Variants in ARID1A observed in about 807,000 individuals in gnomAD.
The protein encoded by ARID1A is AT-rich interaction domain 1A, also known as AT-rich interactive domain-containing protein 1A.
In ARID1A, 20 loss-of-function variants were observed where a neutral mutation model predicts 212.6. That is an observed-to-expected ratio of 0.09 (90% CI 0.07 to 0.14). The LOEUF (loss-of-function observed/expected upper bound fraction) is 0.14, where lower values mean the gene tolerates loss of function less well. Ranked by LOEUF, ARID1A falls within the 10% of genes least tolerant of loss-of-function variation. The probability of loss-of-function intolerance (pLI) is 1.00; values close to 1 mark genes in which losing one functional copy is unlikely to be tolerated. For synonymous variants in ARID1A, 1,376 were observed against 1,222.1 expected (o/e 1.13, Z -2.63); for missense variants, 2,587 against 3,059.0 (o/e 0.85, Z 3.64).
intron 4 of ARID1A, among the ~76,000 whole-genome samples, chr1:26,734,044 A>G (rs752727302): frequency 7.2e-5 from 11 of 152,214 alleles, no homozygotes; most frequent in Non-Finnish European, 1.5e-4. Context: ...GACTTTCTCA[A>G]CTGAGGAATT....
At chr1:26,755,419 G>A (rs754942414) in intron 4 of ARID1A, among the ~76,000 whole-genome samples, 1 of 152,134 alleles carries the variant, frequency 6.6e-6, no homozygotes, top group Non-Finnish European at 1.5e-5. Flanking sequence ...CTATACCCAG[G>A]CATCCCAGCC....
At chr1:26,707,574 C>T (rs904785197) in intron 1 of ARID1A, among the ~76,000 whole-genome samples, 5 of 151,832 alleles carry the variant, frequency 3.3e-5, no homozygotes, top group Non-Finnish European at 7.4e-5. Context: ...AACTCCTGAC[C>T]TCAGGTGATC....
chr1:26,767,377 A>G (rs1308351036), intron 10 of ARID1A, among the ~76,000 whole-genome samples: 11 of 152,178 alleles, frequency 7.2e-5, no homozygotes, highest in African/African-American at 2.7e-4. Flanking sequence ...CATAGTACCT[A>G]AGTATGTTCA....
Position 26,780,669 on chromosome 1 carries a change from G to A in ARID1A, c.6771G>A (p.Arg2257=), listed in dbSNP as rs2124152788. ...NHSEFTLYES[R]LLDISVSPLM... is the part of the protein sequence containing the mutation. ...CAGAGTTTACTCTGTACGAATCACG[G>A]CTGTTGGACATCTCGGTATCACCGT... The change falls in exon 20 of 20, where the codon CGG becomes CGA. Residue 2257 remains arginine, a synonymous_variant. Transcript: ENST00000324856. The surrounding 1 kb of genome is among the most constrained non-coding windows in gnomAD (Gnocchi z 7.2). The A allele has an allele frequency of 6.2e-7, 1 of 1,607,256 alleles. No individual in the cohort carries two copies. Among genetic ancestry groups the A allele is most frequent in the Non-Finnish European group, 8.5e-7 (1 of 1,179,138 alleles).
At chr1:26,699,357 G>C (rs771502611) in intron 1 of ARID1A, among the ~76,000 whole-genome samples, 36 of 152,260 alleles carry the variant, frequency 2.4e-4, no homozygotes, top group Middle Eastern at 3.4e-3. Flanking sequence ...GTATTCTGTG[G>C]AGTCATACAT....
Position 26,774,021 on chromosome 1 carries a change from C to T in ARID1A, c.4101+123C>T. Reference sequence around the variant, plus strand: ...AGATATTTTGGCATTCTTCTCTCACCTGACTGGCCAGTCCTGCCTGAAGAG... The same window carrying T: ...AGATATTTTGGCATTCTTCTCTCACTTGACTGGCCAGTCCTGCCTGAAGAG... On this transcript the variant is annotated intron_variant, in intron 17 of 19. Coordinates refer to ENST00000324856, the MANE Select transcript of ARID1A (RefSeq NM_006015.6). This position sits in a 1 kb window ranked among gnomAD's most constrained non-coding sequence, Gnocchi z 5.6. 2 of 1,307,284 alleles carry T rather than the reference C, an allele frequency of 1.5e-6. No homozygotes were observed. Among genetic ancestry groups the T allele is most frequent in the Non-Finnish European group, 2.1e-6 (2 of 936,168 alleles). The allele number at this position is 1,307,284 out of a possible 1,614,324, so 81.0% of individuals were successfully genotyped here.
At position 26,775,108 on chromosome 1, in the gene ARID1A, T is replaced by G; in HGVS notation, c.4881T>G (p.Pro1627=). The change falls in exon 18 of 20, where the codon CCT becomes CCG. Residue 1627 remains proline, a synonymous_variant. Coordinates refer to ENST00000324856, the MANE Select transcript of ARID1A (RefSeq NM_006015.6). The part of the protein sequence containing the change: ...GPPVPASHIA[P]APVQPPMIRR... ...CAGTACCTGCCTCGCACATAGCACC[T>G]GCCCCTGTGCAGCCCCCCATGATTC... The G allele has an allele frequency of 1.9e-6, 3 of 1,614,104 alleles. No individual in the cohort carries two copies. Among genetic ancestry groups the G allele is most frequent in the Non-Finnish European group, 2.5e-6 (3 of 1,179,998 alleles).
chr1:26,763,800 G>A (rs2081014931), intron 8 of ARID1A, among the ~76,000 whole-genome samples: 1 of 151,938 alleles, frequency 6.6e-6, no homozygotes. Flanking sequence ...TTATTTTGGG[G>A]TCTTTTGAGA....
At chr1:26,728,318 A>C (rs751823004) in intron 1 of ARID1A, among the ~76,000 whole-genome samples, 1 of 152,196 alleles carries the variant, frequency 6.6e-6, no homozygotes, top group Non-Finnish European at 1.5e-5. Flanking sequence ...TTCTTTCATG[A>C]AAGCTCTACT....
In ARID1A at chr1:26,714,195, G is replaced by T. The variant is rs544226303; in HGVS notation, c.1138-15456G>T. 2.6e-5 allele frequency among the ~76,000 whole-genome samples: 4 copies of T among 152,332 alleles called. No homozygotes were observed. The East Asian group carries it at 5.8e-4, about 22-fold the overall frequency. ...GACAGCTGGTGACTGGTATGGCCCT[G>T]TATACTCCTGGGATAAATCATGAAG... On this transcript the variant is annotated intron_variant, in intron 1 of 19. Coordinates refer to ENST00000324856, the MANE Select transcript of ARID1A (RefSeq NM_006015.6).
At chr1:26,755,073 C>T (rs1301059598) in intron 4 of ARID1A, among the ~76,000 whole-genome samples, 1 of 152,170 alleles carries the variant, frequency 6.6e-6, no homozygotes, top group East Asian at 1.9e-4. Context: ...TGTGCCACTG[C>T]ACTCCAGCCT....
rs566890204 is a variant in ARID1A at position 26,754,339 on chromosome 1, C to T, written c.1921-6517C>T. Among the ~76,000 whole-genome samples the T allele has an allele frequency of 2.0e-5, 3 of 152,276 alleles. No individual in the cohort carries two copies. In the South Asian group the frequency reaches 6.2e-4, roughly 32 times the overall value. ...GCAGGACATCTTTTGGAGACTTCTG[C>T]CCTTACCACTCCCTCCCATTTCCCA... On this transcript the variant is annotated intron_variant, in intron 4 of 19. Coordinates refer to ENST00000324856, the MANE Select transcript of ARID1A (RefSeq NM_006015.6).
intron 4 of ARID1A, among the ~76,000 whole-genome samples, chr1:26,745,479 T>C (rs984891012): frequency 6.6e-6 from 1 of 152,206 alleles, no homozygotes; most frequent in East Asian, 1.9e-4. Context: ...CTTGGAAATT[T>C]CGTTTTTAAG....
intron 3 of ARID1A, among the ~76,000 whole-genome samples, chr1:26,731,997 C>A (rs988944415): frequency 1.3e-5 from 2 of 152,160 alleles, no homozygotes; most frequent in Non-Finnish European, 2.9e-5. Context: ...TTCACTCCAA[C>A]TGCCATTCCA....
At chr1:26,707,491 G>A (rs938434191) in intron 1 of ARID1A, among the ~76,000 whole-genome samples, 8 of 151,902 alleles carry the variant, frequency 5.3e-5, no homozygotes, top group African/African-American at 1.7e-4. Flanking sequence ...ACAGGCATAA[G>A]CCACCACGCC....
At chr1:26,749,400 CAG>C (rs983080525) in intron 4 of ARID1A, among the ~76,000 whole-genome samples, 11 of 152,034 alleles carry the variant, frequency 7.2e-5, no homozygotes, top group African/African-American at 2.2e-4. Flanking sequence ...CGGGGAGCGA[CAG>C]GGGAAATGTT....
Position 26,696,231 on chromosome 1 carries a change from A to T in ARID1A, c.-173A>T. ...TCCGCCGCCGCCAGCCCGGAGCCTG[A>T]GCCGGCGGGGCGGGGGGGAGAGGAG... On this transcript the variant is annotated 5_prime_UTR_variant, in exon 1 of 20. It removes the in-frame stop codon of an upstream open reading frame in the 5' UTR. Coordinates refer to ENST00000324856, the MANE Select transcript of ARID1A (RefSeq NM_006015.6). 1 of 841,466 alleles carries T rather than the reference A, an allele frequency of 1.2e-6. No homozygotes were observed. The highest frequency in any genetic ancestry group is 5.0e-5 in the Admixed American group (1 of 19,922). The allele number at this position is 841,466 out of a possible 1,614,324, so 52.1% of individuals were successfully genotyped here. A position where few individuals can be genotyped will look rare whatever the true frequency, so the allele number is the denominator to read the frequency against.
At chr1:26,755,945 A>C (rs962895053) in intron 4 of ARID1A, among the ~76,000 whole-genome samples, 2 of 151,626 alleles carry the variant, frequency 1.3e-5, no homozygotes, top group Admixed American at 1.3e-4. Flanking sequence ...GGGTTTCACT[A>C]TGTTAGCCAG....
At chr1:26,753,537 T>A (rs2080902863) in intron 4 of ARID1A, among the ~76,000 whole-genome samples, 2 of 152,244 alleles carry the variant, frequency 1.3e-5, no homozygotes, top group South Asian at 4.1e-4. Flanking sequence ...GCTCCAGCGC[T>A]TTTGATCTGC....
Sources: allele counts gnomAD v4.1 joint callset (sites outside exome capture counted in the v4.1 genomes callset), GRCh38; gene constraint gnomAD v4.1.1; non-coding constraint Gnocchi (gnomAD v3.1); transcripts MANE v1.5; gene names NCBI Gene and HGNC (gene_info 2026-07-23, HGNC 2026-07-21).